RNF138: variants seen among roughly 807,000 people sequenced by gnomAD.
The protein encoded by RNF138 is E3 ubiquitin-protein ligase RNF138.
Under a neutral mutation model 31.0 loss-of-function variants are expected in RNF138, and 12 were observed. The ratio of observed to expected loss-of-function variants is 0.39; its 90% confidence interval spans 0.25 to 0.63. RNF138 has a LOEUF of 0.63. Ranked by LOEUF, RNF138 falls within the 20% of genes least tolerant of loss-of-function variation. The pLI, the probability that RNF138 is intolerant of heterozygous loss-of-function variation, is 0.52. For synonymous variants in RNF138, 105 were observed against 99.5 expected (o/e 1.06, Z -0.33); for missense variants, 192 against 300.1 (o/e 0.64, Z 2.66).
chr18:32,101,559 A>G (rs1268397474), intron 2 of RNF138, among the ~76,000 whole-genome samples: 1 of 152,060 alleles, frequency 6.6e-6, no homozygotes, highest in African/African-American at 2.4e-5. Flanking sequence ...GAACTTATTA[A>G]GAAAAATTTA....
intron 2 of RNF138, among the ~76,000 whole-genome samples, chr18:32,105,768 A>G (rs976218090): frequency 1.3e-5 from 2 of 152,152 alleles, no homozygotes; most frequent in African/African-American, 2.4e-5. Flanking sequence ...GAAGACCACA[A>G]GCAGCAAGGT....
chr18:32,120,829 A>G lies in RNF138; in HGVS notation c.393-2689A>G, dbSNP rs543616576. Among the ~76,000 whole-genome samples, 4 of 152,280 alleles carry G rather than the reference A, an allele frequency of 2.6e-5. No homozygotes were observed. In the East Asian group the frequency reaches 7.7e-4, roughly 29 times the overall value. On this transcript the variant is annotated intron_variant, in intron 4 of 7. Coordinates refer to ENST00000261593, the MANE Select transcript of RNF138 (RefSeq NM_016271.5). The stretch of plus-strand genomic sequence containing the variant: ...GTGAAAGAATTGAGTATGTACCCCC[A>G]GTGTTTGTGTTTATTTAAAACTGCA...
intron 4 of RNF138, among the ~76,000 whole-genome samples, chr18:32,117,601 A>G (rs1457472313): frequency 6.6e-6 from 1 of 152,250 alleles, no homozygotes; most frequent in Non-Finnish European, 1.5e-5. Context: ...CGTTATGAAT[A>G]TACGGGAATT....
chr18:32,095,250 GCCTTGACCT>G, intron 2 of RNF138, among the ~76,000 whole-genome samples: 1 of 152,142 alleles, frequency 6.6e-6, no homozygotes, highest in South Asian at 2.1e-4. Context: ...TTTCATTGCA[GCCTTGACCT>G]CCCCCGTTGG....
intron 4 of RNF138, among the ~76,000 whole-genome samples, chr18:32,118,905 C>T (rs186497602): frequency 3.9e-5 from 6 of 152,206 alleles, no homozygotes; most frequent in African/African-American, 1.4e-4. Flanking sequence ...TAGTCTTTGG[C>T]TGGTTTTGTA....
intron 7 of RNF138, 124 bp downstream of exon 7, chr18:32,126,924 T>C: frequency 1.7e-6 from 1 of 590,204 alleles, no homozygotes; most frequent in Non-Finnish European, 3.0e-6. Flanking sequence ...TAGAGCAAGT[T>C]CTTAGGTTTT....
At position 32,113,794 on chromosome 18, in the gene RNF138, A is replaced by C. The variant is rs1418941462; in HGVS notation, c.326A>C (p.Gln109Pro). Residue 109 changes from glutamine to proline, a missense_variant, in exon 4 of 8, where the codon CAG (glutamine) becomes CCG (proline). By Grantham distance (76) the Gln-to-Pro change is moderately conservative. Around this residue, in one of 2 missense-constraint regions of RNF138, gnomAD observed 140 missense variants for 251.7 expected, o/e 0.56. Transcript: ENST00000261593. ...CATTACAAATCTTGTAAGAAGTATC[A>C]GGATGAATATGGTGTTTCTTCTATC... Reference protein sequence around the residue: ...RHHYKSCKKYQDEYGVSSIIP... With the variant: ...RHHYKSCKKYPDEYGVSSIIP... 6.4e-7 allele frequency: 1 copy of C among 1,559,416 alleles called. No individual in the cohort carries two copies. Among genetic ancestry groups the C allele is most frequent in the Non-Finnish European group, 8.7e-7 (1 of 1,154,828 alleles).
chr18:32,096,258 G>A (rs997718607), intron 2 of RNF138, among the ~76,000 whole-genome samples: 3 of 152,190 alleles, frequency 2.0e-5, no homozygotes, highest in South Asian at 4.1e-4. Context: ...TCATAGCAGG[G>A]TTTTCAGCTT....
chr18:32,124,271 A>T (rs1253665742), intron 5 of RNF138: 2 of 153,098 alleles, frequency 1.3e-5, no homozygotes, highest in Non-Finnish European at 2.9e-5. Flanking sequence ...TGGATGTTGG[A>T]TTCCTAGGGC....
intron 2 of RNF138, among the ~76,000 whole-genome samples, chr18:32,103,285 G>GTT (rs1422781093): frequency 6.6e-6 from 1 of 151,968 alleles, no homozygotes. Context: ...AACTCCTGGA[G>GTT]TTAAGGAATT....
chr18:32,104,270 C>T (rs1197351496), intron 2 of RNF138, among the ~76,000 whole-genome samples: 1 of 151,890 alleles, frequency 6.6e-6, no homozygotes. Context: ...ACTTCGGCGT[C>T]CCAAAGGGCT....
intron 4 of RNF138, among the ~76,000 whole-genome samples, chr18:32,119,993 A>G (rs2040277843): frequency 6.6e-6 from 1 of 152,134 alleles, no homozygotes; most frequent in Non-Finnish European, 1.5e-5. Context: ...GATTTATTAT[A>G]TAGAAAATCA....
At chr18:32,116,505 G>A (rs912097750) in intron 4 of RNF138, among the ~76,000 whole-genome samples, 1 of 151,552 alleles carries the variant, frequency 6.6e-6, no homozygotes, top group African/African-American at 2.4e-5. Context: ...ATTGGCAAAG[G>A]AAGGAAAAGC....
intron 4 of RNF138, among the ~76,000 whole-genome samples, chr18:32,119,644 G>A (rs538189731): frequency 1.3e-5 from 2 of 152,052 alleles, no homozygotes; most frequent in South Asian, 2.1e-4. Flanking sequence ...AGCTGGTCTC[G>A]GCCTCCTGGC....
In RNF138 at chr18:32,092,848, G is replaced by A. The variant is rs2039724563; in HGVS notation, c.72G>A (p.Val24=). ...DDFYCPVCQE[V]LKTPVRTTAC... ...TCTACTGCCCCGTCTGTCAGGAGGT[G>A]CTCAAAACGCCCGTGCGGACCACGG... Residue 24 remains valine (V), a synonymous_variant, in exon 2 of 8, where the codon GTG becomes GTA. Coordinates refer to ENST00000261593, the MANE Select transcript of RNF138 (RefSeq NM_016271.5). The A allele has an allele frequency of 1.9e-6, 3 of 1,592,394 alleles. No homozygotes were observed.
In RNF138 at chr18:32,093,771, T is replaced by G. The variant is rs970480737; in HGVS notation, c.110+885T>G. Among the ~76,000 whole-genome samples, 9 of 152,244 alleles carry G rather than the reference T, an allele frequency of 5.9e-5. No individual in the cohort carries two copies. The East Asian group carries it at 1.3e-3, about 23-fold the overall frequency. On this transcript the variant is annotated intron_variant, in intron 2 of 7. Coordinates refer to ENST00000261593, the MANE Select transcript of RNF138 (RefSeq NM_016271.5). ...ACTTTGATAAAATTTTATGGACAGC[T>G]AGGGTGTGAGTAAGGGTTGGAAAGA...
chr18:32,128,592 G>C (rs1257904712), intron 7 of RNF138, among the ~76,000 whole-genome samples: 1 of 152,146 alleles, frequency 6.6e-6, no homozygotes, highest in Non-Finnish European at 1.5e-5. Context: ...CTTAAAATCA[G>C]TTTACTGTCA....
At chr18:32,123,628 TA>T in intron 5 of RNF138, 54 bp downstream of exon 5, 1 of 1,138,486 alleles carries the variant, frequency 8.8e-7, no homozygotes, top group Non-Finnish European at 1.3e-6. Flanking sequence ...ATTTATCACT[TA>T]TCAAATAGCT....
chr18:32,113,833 A>G lies in RNF138; in HGVS notation c.365A>G (p.Gln122Arg). The change falls in exon 4 of 8, where the codon CAG becomes CGG. Residue 122 changes from glutamine to arginine, a missense_variant. This residue lies in a region of RNF138 where 140 missense variants were observed against 251.7 expected (regional missense o/e 0.56). Transcript: ENST00000261593. Reference sequence around the variant, plus strand: ...GTTTCTTCTATCATTCCAAACTTTCAGATCTCTCAAGATTCAGTAGGGAAC... The same window carrying G: ...GTTTCTTCTATCATTCCAAACTTTCGGATCTCTCAAGATTCAGTAGGGAAC... ...YGVSSIIPNF[Q>R]ISQDSVGNSN... is the part of the protein sequence containing the mutation. The G allele has an allele frequency of 3.9e-6, 6 of 1,528,552 alleles. No homozygotes were observed. Among genetic ancestry groups the G allele is most frequent in the Non-Finnish European group, 5.3e-6 (6 of 1,125,574 alleles). 94.7% of individuals were successfully genotyped at this position (1,528,552 alleles called of 1,614,324 possible).
Sources: allele counts gnomAD v4.1 joint callset (sites outside exome capture counted in the v4.1 genomes callset), GRCh38; gene constraint gnomAD v4.1.1; regional missense constraint gnomAD v4.1.1; transcripts MANE v1.5; gene names NCBI Gene and HGNC (gene_info 2026-07-23, HGNC 2026-07-21).